AAMDC: variants seen among roughly 807,000 people sequenced by gnomAD.
AAMDC encodes the protein adipogenesis associated Mth938 domain containing, also known as mth938 domain-containing protein.
Under a neutral mutation model 15.5 loss-of-function variants are expected in AAMDC, and 16 were observed. The observed-to-expected ratio is 1.03, with a 90% CI of 0.70 to 1.57. AAMDC has a LOEUF of 1.57. AAMDC is among the 40% of genes most tolerant of loss of function. The pLI is 0.00. For synonymous variants in AAMDC, 51 were observed against 51.6 expected (o/e 0.99, Z 0.05); for missense variants, 141 against 144.9 (o/e 0.97, Z 0.14).
chr11:77,879,797 C>G (rs1387282960), intron 5 of AAMDC, among the ~76,000 whole-genome samples: 1 of 152,164 alleles, frequency 6.6e-6, no homozygotes, highest in Non-Finnish European at 1.5e-5. Context: ...GTACAACACA[C>G]GCTCTAACCA....
At chr11:77,877,798 G>A (rs909419301) in intron 5 of AAMDC, among the ~76,000 whole-genome samples, 4 of 151,788 alleles carry the variant, frequency 2.6e-5, no homozygotes, top group African/African-American at 9.7e-5. Flanking sequence ...GCCCAGGCTG[G>A]TCTTGAACTC....
chr11:77,900,553 T>G (rs1300250786), intron 5 of AAMDC: 2 of 532,426 alleles, frequency 3.8e-6, no homozygotes, highest in African/African-American at 3.9e-5. Context: ...CTATGGCACT[T>G]TTTTTTTTTT....
chr11:77,847,842 G>A (rs1203611812), intron 2 of AAMDC, among the ~76,000 whole-genome samples: 2 of 152,156 alleles, frequency 1.3e-5, no homozygotes, highest in South Asian at 2.1e-4. Context: ...TGACTTGTCC[G>A]TGATCTGCTG....
At chr11:77,893,451 T>C (rs1952364937) in intron 5 of AAMDC, among the ~76,000 whole-genome samples, 1 of 151,802 alleles carries the variant, frequency 6.6e-6, no homozygotes, top group Admixed American at 6.6e-5. Context: ...AAAAAAAATA[T>C]ATTAAAAATT....
In AAMDC at chr11:77,872,318, G is replaced by GAGCCTTAAGCTTTAAGGCCTCTTA; in HGVS notation, c.*12_*13insCTTTAAGGCCTCTTAAGCCTTAAG. The GAGCCTTAAGCTTTAAGGCCTCTTA allele has an allele frequency of 6.2e-7, 1 of 1,610,392 alleles. No homozygotes were observed. The highest frequency in any genetic ancestry group is 8.5e-7 in the Non-Finnish European group (1 of 1,178,520). ...GTGTCTTCCATTCCACCTGCTGATG[G>GAGCCTTAAGCTTTAAGGCCTCTTA]AGCCTTAAGAGGAGAATAAATCACT... On this transcript the variant is annotated 3_prime_UTR_variant, in exon 4 of 4. Transcript: ENST00000393427.
At chr11:77,861,826 C>T (rs1950891684) in intron 2 of AAMDC, among the ~76,000 whole-genome samples, 1 of 152,090 alleles carries the variant, frequency 6.6e-6, no homozygotes, top group Non-Finnish European at 1.5e-5. Context: ...TCTGCCTGCT[C>T]CTCCTGATCT....
intron 5 of AAMDC, among the ~76,000 whole-genome samples, chr11:77,885,854 GA>G (rs1322379814): frequency 3.3e-5 from 5 of 151,940 alleles, no homozygotes; most frequent in Admixed American, 3.3e-4. Flanking sequence ...AAGAAGGGCA[GA>G]GGGGGGCTGA....
At chr11:77,844,435 G>GC (rs1016557029) in intron 2 of AAMDC, among the ~76,000 whole-genome samples, 60 of 151,656 alleles carry the variant, frequency 4.0e-4, no homozygotes, top group African/African-American at 1.4e-3. Context: ...AGATCATGGC[G>GC]CACTGTAGTC....
intron 5 of AAMDC, among the ~76,000 whole-genome samples, chr11:77,892,143 A>G (rs1210702714): frequency 6.6e-6 from 1 of 152,242 alleles, no homozygotes; most frequent in Admixed American, 6.5e-5. Flanking sequence ...TTATAGATTC[A>G]TTAATTATTT....
chr11:77,866,087 C>T (rs1309596274), intron 2 of AAMDC, among the ~76,000 whole-genome samples: 1 of 152,176 alleles, frequency 6.6e-6, no homozygotes, highest in Non-Finnish European at 1.5e-5. Flanking sequence ...ATTGCTACTA[C>T]CCATTTATGC....
chr11:77,896,767 A>AATT (rs1301583657), intron 5 of AAMDC, among the ~76,000 whole-genome samples: 1 of 152,060 alleles, frequency 6.6e-6, no homozygotes, highest in East Asian at 1.9e-4. Flanking sequence ...CATTTAGTAT[A>AATT]ACAGACTAGA....
intron 2 of AAMDC, among the ~76,000 whole-genome samples, chr11:77,846,835 A>G (rs1047554755): frequency 6.6e-6 from 1 of 151,946 alleles, no homozygotes; most frequent in South Asian, 2.1e-4. Context: ...TAAGTTGACA[A>G]TTTTTTTTAG....
intron 5 of AAMDC, chr11:77,894,156 A>G (rs1312952857): frequency 3.7e-6 from 2 of 541,878 alleles, no homozygotes; most frequent in African/African-American, 4.0e-5. Context: ...AAGGTTAACG[A>G]CATGGCCACA....
chr11:77,844,973 A>T (rs1950081386), intron 2 of AAMDC, among the ~76,000 whole-genome samples: 5 of 152,126 alleles, frequency 3.3e-5, no homozygotes, highest in Admixed American at 3.3e-4. Context: ...TGATAAATCA[A>T]CCATTAGCAT....
intron 2 of AAMDC, among the ~76,000 whole-genome samples, chr11:77,843,404 G>A (rs187055480): frequency 6.6e-6 from 1 of 152,242 alleles, no homozygotes; most frequent in Non-Finnish European, 1.5e-5. Flanking sequence ...AGAAAGATGG[G>A]GGCAGGATGA....
At chr11:77,856,477 C>T (rs761699881) in intron 2 of AAMDC, among the ~76,000 whole-genome samples, 1 of 152,162 alleles carries the variant, frequency 6.6e-6, no homozygotes, top group Non-Finnish European at 1.5e-5. Flanking sequence ...AGCAATACCC[C>T]CTTCCTGGTA....
chr11:77,844,670 T>C (rs1950070053), intron 2 of AAMDC, among the ~76,000 whole-genome samples: 1 of 152,194 alleles, frequency 6.6e-6, no homozygotes, highest in Admixed American at 6.5e-5. Flanking sequence ...CCAGATTTTG[T>C]TGAATACACG....
intron 2 of AAMDC, among the ~76,000 whole-genome samples, chr11:77,864,809 T>C (rs1951036053): frequency 6.6e-6 from 1 of 152,168 alleles, no homozygotes. Flanking sequence ...AGAGACCTCG[T>C]TGCTACAGAA....
chr11:77,869,633 A>G, intron 2 of AAMDC, 89 bp from the exon 3 acceptor site: 1 of 1,285,842 alleles, frequency 7.8e-7, no homozygotes. Flanking sequence ...CTCAGTAGAC[A>G]TTTCTTGAAT....
Sources: allele counts gnomAD v4.1 joint callset (sites outside exome capture counted in the v4.1 genomes callset), GRCh38; gene constraint gnomAD v4.1.1; transcripts MANE v1.5; gene names NCBI Gene and HGNC (gene_info 2026-07-23, HGNC 2026-07-21).